NAA35: variants seen among roughly 807,000 people sequenced by gnomAD.
NAA35 encodes the protein N-alpha-acetyltransferase 35, NatC auxiliary subunit.
In NAA35, 18 loss-of-function variants were observed where a neutral mutation model predicts 101.7. That is an observed-to-expected ratio of 0.18 (90% CI 0.12 to 0.26). The LOEUF is 0.26. Among genes scored for constraint, NAA35 ranks in the 10% least tolerant of loss-of-function variants. The pLI is 1.00. For missense variants in NAA35, 601 were observed against 886.8 expected (o/e 0.68, Z 4.09); for synonymous variants, 267 against 273.1 (o/e 0.98, Z 0.22).
intron 13 of NAA35, 29 bp from the exon 14 acceptor site, chr9:86,007,329 C>T (rs575803340): frequency 1.0e-5 from 15 of 1,483,640 alleles, no homozygotes; most frequent in Admixed American, 8.4e-5. Context: ...TGCGTGACAC[C>T]GTAACTAATA....
rs942576315 is a variant in NAA35, at chr9:86,015,435, G to A, written c.1569-1104G>A. ...ATGCATACGGTCCCTGAAGCATGTG[G>A]ACTCTTTAAATCATCAGCAAAAACA... On this transcript the variant is annotated intron_variant, in intron 17 of 22. Transcript: ENST00000361671. Among the ~76,000 whole-genome samples, 2 of 151,962 alleles carry A rather than the reference G, an allele frequency of 1.3e-5. 1 individual carries two copies. Among genetic ancestry groups the A allele is most frequent in the East Asian group, 3.9e-4 (2 of 5,182 alleles).
At chr9:85,946,471 A>G (rs969773494) in intron 2 of NAA35, among the ~76,000 whole-genome samples, 1 of 152,078 alleles carries the variant, frequency 6.6e-6, no homozygotes, top group South Asian at 2.1e-4. Context: ...GAGTAATCCA[A>G]AATCTGCCAT....
At chr9:85,988,944 G>C (rs1185629330) in intron 11 of NAA35, among the ~76,000 whole-genome samples, 2 of 152,152 alleles carry the variant, frequency 1.3e-5, no homozygotes, top group Non-Finnish European at 2.9e-5. Context: ...GATGTGAACA[G>C]TATAATGGAA....
At chr9:86,014,812 C>T (rs892376077) in intron 17 of NAA35, among the ~76,000 whole-genome samples, 3 of 152,176 alleles carry the variant, frequency 2.0e-5, no homozygotes, top group African/African-American at 7.2e-5. Flanking sequence ...GAATAATTTT[C>T]CTTGCTATAT....
intron 16 of NAA35, 71 bp from the exon 17 acceptor site, chr9:86,013,647 CG>C: frequency 1.4e-6 from 2 of 1,390,624 alleles, no homozygotes; most frequent in Non-Finnish European, 2.0e-6. Context: ...TTTAGCTGTA[CG>C]TTTTTTTAAA....
At chr9:85,944,445 T>A (rs1828668042) in intron 2 of NAA35, among the ~76,000 whole-genome samples, 1 of 152,188 alleles carries the variant, frequency 6.6e-6, no homozygotes, top group African/African-American at 2.4e-5. Context: ...CAGCCCAGAT[T>A]TGGGCGTTAA....
intron 6 of NAA35, among the ~76,000 whole-genome samples, chr9:85,969,953 A>C (rs1829933889): frequency 1.3e-5 from 2 of 152,158 alleles, no homozygotes; most frequent in Admixed American, 1.3e-4. Flanking sequence ...CTTTCACTAA[A>C]ACTACTGTGT....
chr9:86,005,460 A>G (rs1225456978), intron 13 of NAA35, among the ~76,000 whole-genome samples: 1 of 152,250 alleles, frequency 6.6e-6, no homozygotes, highest in Non-Finnish European at 1.5e-5. Context: ...CTCTTACTGA[A>G]CATTGGAAAT....
At chr9:85,983,285 T>C (rs1414699370) in intron 11 of NAA35, among the ~76,000 whole-genome samples, 1 of 152,176 alleles carries the variant, frequency 6.6e-6, no homozygotes, top group South Asian at 2.1e-4. Flanking sequence ...TTCAGAACAG[T>C]GTAGCCAGGC....
intron 14 of NAA35, 90 bp from the exon 15 acceptor site, chr9:86,009,775 C>T (rs1020717499): frequency 2.2e-5 from 19 of 880,194 alleles, no homozygotes; most frequent in Admixed American, 4.3e-5. Flanking sequence ...CTTTTATTCA[C>T]CTTCTCTGTC....
chr9:85,946,138 A>AT (rs938501580), intron 2 of NAA35, among the ~76,000 whole-genome samples: 20 of 149,994 alleles, frequency 1.3e-4, no homozygotes, highest in Middle Eastern at 3.5e-3. Flanking sequence ...AGTAAGTTAA[A>AT]TTTTTTTTTT....
chr9:85,950,817 T>C (rs1039153410), intron 2 of NAA35, among the ~76,000 whole-genome samples: 1 of 152,168 alleles, frequency 6.6e-6, no homozygotes, highest in Non-Finnish European at 1.5e-5. Flanking sequence ...AATTTAAAAC[T>C]GAGACATTTA....
chr9:86,010,668 G>A (rs1360986550), intron 15 of NAA35, among the ~76,000 whole-genome samples: 3 of 149,948 alleles, frequency 2.0e-5, no homozygotes, highest in African/African-American at 4.9e-5. Flanking sequence ...TCCGCCTCCC[G>A]GGTTCACGCC....
intron 22 of NAA35, 26 bp downstream of exon 22, chr9:86,020,995 T>C: frequency 6.5e-7 from 1 of 1,528,842 alleles, no homozygotes. Flanking sequence ...GAAAAATAAG[T>C]GGTCTTAGAT....
intron 13 of NAA35, 73 bp from the exon 14 acceptor site, chr9:86,007,285 T>C: frequency 9.2e-7 from 1 of 1,085,968 alleles, no homozygotes; most frequent in Non-Finnish European, 1.4e-6. Context: ...GTGGCATTTA[T>C]AAGTATACTG....
At chr9:86,002,030 C>T (rs751937326) in intron 12 of NAA35, among the ~76,000 whole-genome samples, 141 of 152,092 alleles carry the variant, frequency 9.3e-4, no homozygotes, top group Non-Finnish European at 2.9e-4. Flanking sequence ...ATTTAGGGCT[C>T]CTTTCAAGAT....
chr9:85,954,470 A>G (rs965743402), intron 2 of NAA35, among the ~76,000 whole-genome samples: 3 of 152,128 alleles, frequency 2.0e-5, no homozygotes, highest in African/African-American at 7.2e-5. Flanking sequence ...CAAGGGTTTC[A>G]GTTTCTCCAC....
intron 2 of NAA35, among the ~76,000 whole-genome samples, chr9:85,948,166 T>G (rs1033268169): frequency 1.3e-5 from 2 of 152,188 alleles, no homozygotes; most frequent in African/African-American, 2.4e-5. Context: ...TAACCCCTTA[T>G]AGTTATAGGT....
Position 86,013,043 on chromosome 9 carries a change from C to T in NAA35, c.1291-3C>T, listed in dbSNP as rs1260299700. 1 of 1,530,110 alleles carries T rather than the reference C, an allele frequency of 6.5e-7. No individual in the cohort carries two copies. Among genetic ancestry groups the T allele is most frequent in the Non-Finnish European group, 8.9e-7 (1 of 1,125,428 alleles). The allele number at this position is 1,530,110 out of a possible 1,614,324, so 94.8% of individuals were successfully genotyped here. A position where few individuals can be genotyped will look rare whatever the true frequency, so the allele number is the denominator to read the frequency against. ...CAGTTGACAAATTATATGTGTATTG[C>T]AGCCATTCTGTAGTCTTATTCAGAT... is the stretch of plus-strand genomic sequence containing the variant. On this transcript the variant is annotated splice_polypyrimidine_tract_variant and splice_region_variant and intron_variant, in intron 15 of 22. Transcript: ENST00000361671.
Sources: gnomAD v4.1 joint callset for allele counts (sites outside exome capture counted in the v4.1 genomes callset) on GRCh38, gnomAD v4.1.1 for gene constraint, MANE v1.5 for transcripts, NCBI Gene and HGNC (gene_info 2026-07-23, HGNC 2026-07-21) for gene names.